The following SP4 variants were observed in gnomAD, a reference collection of about 807,000 sequenced individuals.
SP4 encodes transcription factor Sp4.
In SP4, 19 loss-of-function variants were observed where a neutral mutation model predicts 72.8. The ratio of observed to expected loss-of-function variants is 0.26; its 90% confidence interval spans 0.18 to 0.38. The LOEUF is 0.38. Ranked by LOEUF, SP4 falls within the 10% of genes least tolerant of loss-of-function variation. The pLI, the probability that SP4 is intolerant of heterozygous loss-of-function variation, is 1.00. For missense variants in SP4, 1,008 were observed against 926.3 expected, an observed-to-expected ratio of 1.09 and a Z score of -1.14; for synonymous variants, 395 against 333.1, an observed-to-expected ratio of 1.19 and a Z score of -2.02.
chr7:21,502,486 C>T (rs889250254), intron 5 of SP4, among the ~76,000 whole-genome samples: 1 of 152,098 alleles, frequency 6.6e-6, no homozygotes, highest in Admixed American at 6.5e-5. Flanking sequence ...TCCCATGCAT[C>T]CTTGTCTCGG....
chr7:21,444,733 C>G (rs1443735300), intron 3 of SP4, among the ~76,000 whole-genome samples: 1 of 152,126 alleles, frequency 6.6e-6, no homozygotes, highest in East Asian at 1.9e-4. Flanking sequence ...AATTATAGAA[C>G]AGGAAACCAA....
intron 5 of SP4, among the ~76,000 whole-genome samples, chr7:21,486,005 A>G (rs573788188): frequency 1.3e-5 from 2 of 152,092 alleles, no homozygotes; most frequent in African/African-American, 4.8e-5. Flanking sequence ...CTTCCTAACG[A>G]AAAGCTTGGG....
At chr7:21,510,330 A>T (rs540172919) in intron 5 of SP4, among the ~76,000 whole-genome samples, 1 of 152,220 alleles carries the variant, frequency 6.6e-6, no homozygotes, top group African/African-American at 2.4e-5. Flanking sequence ...CTCATTTATT[A>T]TACACAAAAA....
intron 3 of SP4, among the ~76,000 whole-genome samples, chr7:21,442,880 C>T (rs1225187335): frequency 2.0e-5 from 3 of 152,120 alleles, no homozygotes; most frequent in Non-Finnish European, 2.9e-5. Flanking sequence ...AGATTACAGG[C>T]GCCTGCCATC....
chr7:21,482,849 T>G (rs1306697756), intron 5 of SP4: 1 of 592,998 alleles, frequency 1.7e-6, no homozygotes, highest in Non-Finnish European at 2.1e-6. Context: ...TATATGAATT[T>G]CCTTGAACTG....
intron 5 of SP4, 24 bp from the exon 6 acceptor site, chr7:21,510,998 G>A (rs774525372): frequency 5.7e-6 from 9 of 1,580,742 alleles, no homozygotes; most frequent in Admixed American, 3.6e-5. Flanking sequence ...TGTGTATAAC[G>A]CCATTTACTG....
intron 3 of SP4, among the ~76,000 whole-genome samples, chr7:21,459,735 C>T (rs1783893016): frequency 6.6e-6 from 1 of 152,194 alleles, no homozygotes; most frequent in Non-Finnish European, 1.5e-5. Flanking sequence ...CCTGTTTTAT[C>T]CATTTAATTG....
At position 21,513,915 on chromosome 7, in the gene SP4, G is replaced by C. The variant is rs1782206459; in HGVS notation, c.*2646G>C. ...TGAGTCTACTTTTCTGTCTTTAGAA[G>C]AATCGTAAATTTCAGTGTCCTTTAT... On this transcript the variant is annotated 3_prime_UTR_variant, in exon 6 of 6. Coordinates refer to ENST00000222584, the MANE Select transcript of SP4 (RefSeq NM_003112.5). The C allele has an allele frequency of 6.6e-6, 1 of 152,444 alleles. No individual in the cohort carries two copies. Among genetic ancestry groups the C allele is most frequent in the African/African-American group, 2.4e-5 (1 of 41,442 alleles). 9.4% of individuals were successfully genotyped at this position (152,444 alleles called of 1,614,324 possible).
chr7:21,495,173 G>A lies in SP4; in HGVS notation c.2107+13050G>A, dbSNP rs146427371. ...CAAAATCTTTGCAGCCTTGAGATAG[G>A]CTACGAGTGCTTTAACACAACTCCG... On this transcript the variant is annotated intron_variant, in intron 5 of 5. Transcript: ENST00000222584. Among the ~76,000 whole-genome samples the A allele has an allele frequency of 3.4e-4, 51 of 152,204 alleles. No individual in the cohort carries two copies. The East Asian group carries it at 9.5e-3, about 28-fold the overall frequency.
chr7:21,444,843 A>C (rs1783372287), intron 3 of SP4, among the ~76,000 whole-genome samples: 1 of 152,122 alleles, frequency 6.6e-6, no homozygotes, highest in South Asian at 2.1e-4. Context: ...GGTGAATAGG[A>C]CTGTAATCTC....
intron 5 of SP4, chr7:21,482,832 A>G (rs935995395): frequency 5.0e-6 from 4 of 803,556 alleles, no homozygotes; most frequent in Non-Finnish European, 6.0e-6. Context: ...ATATATGTAT[A>G]TTTGCATATA....
In SP4 at chr7:21,447,453, T is replaced by G. The variant is rs77365634; in HGVS notation, c.1678+16610T>G. On this transcript the variant is annotated intron_variant, in intron 3 of 5. Transcript: ENST00000222584. ...AAATCTAGAAATTTAGTAGAAGAGT[T>G]AGATGGATCTTTGTATTTCAGTTTC... 4.5e-3 allele frequency among the ~76,000 whole-genome samples: 689 copies of G among 152,328 alleles called. 10 individuals carry two copies. The highest frequency in any genetic ancestry group is 0.04 in the East Asian group (205 of 5,180).
chr7:21,451,344 C>T (rs535478006), intron 3 of SP4, among the ~76,000 whole-genome samples: 6 of 152,260 alleles, frequency 3.9e-5, no homozygotes, highest in South Asian at 4.1e-4. Context: ...TATATTAGAG[C>T]GACAGTTTAA....
In SP4 at chr7:21,428,202, C is replaced by CCCCCA; in HGVS notation, c.-49_-48insCCCAC. ...CCTCCCGCCTCGCCCCCACCCCCAC[C>CCCCCA]CACCTCTATCCCAGTGTCTCCGTCT... is the stretch of plus-strand genomic sequence containing the variant. On this transcript the variant is annotated 5_prime_UTR_variant, in exon 1 of 6. Transcript: ENST00000222584. The CCCCCA allele has an allele frequency of 8.3e-7, 1 of 1,206,792 alleles. No homozygotes were observed. The highest frequency in any genetic ancestry group is 1.2e-6 in the Non-Finnish European group (1 of 846,186). The allele number at this position is 1,206,792 out of a possible 1,614,324, so 74.8% of individuals were successfully genotyped here. A position where few individuals can be genotyped will look rare whatever the true frequency, so the allele number is the denominator to read the frequency against.
intron 5 of SP4, chr7:21,482,593 G>A: frequency 1.1e-6 from 1 of 920,016 alleles, no homozygotes; most frequent in Non-Finnish European, 1.3e-6. Context: ...TATATTTTCT[G>A]CTTTTTTTCA....
intron 3 of SP4, among the ~76,000 whole-genome samples, chr7:21,454,006 C>T (rs975555685): frequency 6.6e-6 from 1 of 152,180 alleles, no homozygotes; most frequent in Non-Finnish European, 1.5e-5. Flanking sequence ...GTACATTTTA[C>T]TTTACTTACA....
intron 3 of SP4, among the ~76,000 whole-genome samples, chr7:21,456,654 C>T (rs572893522): frequency 1.6e-4 from 24 of 152,262 alleles, no homozygotes; most frequent in African/African-American, 5.5e-4. Flanking sequence ...TTCAGATTAC[C>T]CACAGGGAAA....
At chr7:21,482,960 G>A (rs1784726059) in intron 5 of SP4, 1 of 158,716 alleles carries the variant, frequency 6.3e-6, no homozygotes, top group Non-Finnish European at 1.3e-5. Flanking sequence ...CACAAACTTA[G>A]TTGATGAGAA....
Position 21,430,529 on chromosome 7 carries a change from T to A in SP4, c.1364T>A (p.Leu455His). ...CAAGCAGTAAATCCGACTCAGGTGC[T>A]TATCAGGGCTCCAACTTTAACACCT... ...QLQAVNPTQV[L>H]IRAPTLTPSG... is the part of the protein sequence containing the mutation. Residue 455 changes from leucine (L) to histidine (H), a missense_variant, in exon 3 of 6, where the codon CTT (leucine) becomes CAT (histidine). Physicochemically the swap from Leu to His is moderately conservative, Grantham distance 99. Around this residue, in one of 3 missense-constraint regions of SP4, gnomAD observed 893 missense variants for 743.3 expected, o/e 1.20. Coordinates refer to ENST00000222584, the MANE Select transcript of SP4 (RefSeq NM_003112.5). 1 of 1,614,220 alleles carries A rather than the reference T, an allele frequency of 6.2e-7. No individual in the cohort carries two copies. The highest frequency in any genetic ancestry group is 8.5e-7 in the Non-Finnish European group (1 of 1,180,036).
Sources: allele counts gnomAD v4.1 joint callset (sites outside exome capture counted in the v4.1 genomes callset), GRCh38; gene constraint gnomAD v4.1.1; regional missense constraint gnomAD v4.1.1; transcripts MANE v1.5; gene names NCBI Gene and HGNC (gene_info 2026-07-23, HGNC 2026-07-21).